ATXN1: variants seen among roughly 807,000 people sequenced by gnomAD.
ATXN1 encodes the protein ataxin 1.
ATXN1 carries 8 observed loss-of-function variants against 56.4 expected under a neutral mutation model. The ratio of observed to expected loss-of-function variants is 0.14; its 90% CI spans 0.08 to 0.26. The LOEUF (loss-of-function observed/expected upper bound fraction) is 0.26. Among genes scored for constraint, ATXN1 ranks in the 10% least tolerant of loss-of-function variants. The pLI is 1.00. For synonymous variants in ATXN1, 514 were observed against 494.6 expected (o/e 1.04, Z -0.52); for missense variants, 987 against 1,106.5 (o/e 0.89, Z 1.53).
intron 6 of ATXN1, among the ~76,000 whole-genome samples, chr6:16,464,906 G>C (rs191449858): frequency 2.0e-4 from 31 of 152,152 alleles, no homozygotes; most frequent in Non-Finnish European, 4.1e-4. Context: ...TAATAATAAT[G>C]TATCCATATT....
intron 7 of ATXN1, among the ~76,000 whole-genome samples, chr6:16,324,769 G>A (rs1442785826): frequency 6.6e-6 from 1 of 152,206 alleles, no homozygotes; most frequent in Non-Finnish European, 1.5e-5. Flanking sequence ...GTAGATTGAA[G>A]GAGCCTGTGG....
chr6:16,489,612 T>C (rs1046916452), intron 5 of ATXN1, among the ~76,000 whole-genome samples: 1 of 152,048 alleles, frequency 6.6e-6, no homozygotes, highest in Non-Finnish European at 1.5e-5. Context: ...GGAGGGGAGA[T>C]GCAGACCTCT....
At chr6:16,424,894 G>T (rs1319419274) in intron 6 of ATXN1, among the ~76,000 whole-genome samples, 5 of 152,324 alleles carry the variant, frequency 3.3e-5, no homozygotes, top group African/African-American at 7.2e-5. Context: ...TGTTGGTGTT[G>T]CGTCTCCTCT....
intron 7 of ATXN1, among the ~76,000 whole-genome samples, chr6:16,316,950 T>A (rs1047720632): frequency 1.4e-5 from 2 of 143,606 alleles, no homozygotes; most frequent in Non-Finnish European, 3.0e-5. Context: ...CAGTGCTTTC[T>A]CCAGGGTGTG....
intron 6 of ATXN1, among the ~76,000 whole-genome samples, chr6:16,358,386 A>C (rs1025821880): frequency 1.3e-5 from 2 of 152,242 alleles, no homozygotes; most frequent in Non-Finnish European, 2.9e-5. Context: ...TCGCAATTGC[A>C]GAAATATGGA....
At chr6:16,568,986 G>C (rs1330685047) in intron 4 of ATXN1, among the ~76,000 whole-genome samples, 1 of 152,116 alleles carries the variant, frequency 6.6e-6, no homozygotes, top group Non-Finnish European at 1.5e-5. Context: ...TTTAGTAATG[G>C]TAAACAAGAA....
At chr6:16,669,175 A>C (rs1022032329) in intron 2 of ATXN1, among the ~76,000 whole-genome samples, 1 of 152,228 alleles carries the variant, frequency 6.6e-6, no homozygotes, top group African/African-American at 2.4e-5. Flanking sequence ...CTAAGAGCAG[A>C]CTGTTTCTTT....
intron 3 of ATXN1, among the ~76,000 whole-genome samples, chr6:16,645,119 G>A (rs1763778879): frequency 6.6e-6 from 1 of 152,176 alleles, no homozygotes; most frequent in Non-Finnish European, 1.5e-5. Context: ...TGCATTGCCT[G>A]TTGCCATGTG....
chr6:16,483,055 C>G (rs1760471672), intron 6 of ATXN1, among the ~76,000 whole-genome samples: 3 of 152,146 alleles, frequency 2.0e-5, no homozygotes, highest in Admixed American at 6.5e-5. Flanking sequence ...TGGCTAACAA[C>G]AGCATTGTGC....
chr6:16,332,936 T>C (rs1761024520), intron 6 of ATXN1, among the ~76,000 whole-genome samples: 1 of 152,178 alleles, frequency 6.6e-6, no homozygotes, highest in African/African-American at 2.4e-5. Context: ...TAACAAGATA[T>C]CCAGATGATT....
In ATXN1 at chr6:16,656,101, AAC is replaced by A. The variant is rs1240101598; in HGVS notation, c.-489+1673_-489+1674del. The stretch of plus-strand genomic sequence containing the variant: ...AAGACTCCATCTCAAAAAAAAAAAA[AAC>A]AAAAAAATTATTTACTGCAGATGCT... On this transcript the variant is annotated intron_variant, in intron 3 of 7. Transcript: ENST00000436367. 1.3e-4 allele frequency among the ~76,000 whole-genome samples: 20 copies of A among 151,772 alleles called. No homozygotes were observed. The East Asian group carries it at 2.9e-3, about 22-fold the overall frequency.
In ATXN1 at chr6:16,753,315, T is replaced by C. The variant is rs1463136114; in HGVS notation, c.-697A>G. On this transcript the variant is annotated 5_prime_UTR_variant, in exon 2 of 8. Transcript: ENST00000436367. ...ATGACAAACAAATCTGCAGCTTGAATGGACCACCCTGGTGACTTGATGCAC... is the reference window on the plus strand; with the variant it reads ...ATGACAAACAAATCTGCAGCTTGAACGGACCACCCTGGTGACTTGATGCAC... The C allele has an allele frequency of 8.8e-6, 4 of 456,810 alleles. No individual in the cohort carries two copies. Among genetic ancestry groups the C allele is most frequent in the Non-Finnish European group, 1.8e-5 (4 of 227,038 alleles). 28.3% of individuals were successfully genotyped at this position (456,810 alleles called of 1,614,324 possible).
intron 4 of ATXN1, among the ~76,000 whole-genome samples, chr6:16,523,250 C>T (rs1337311394): frequency 1.3e-5 from 2 of 152,070 alleles, no homozygotes; most frequent in Non-Finnish European, 2.9e-5. Context: ...CCGGGTTTGT[C>T]ATAGATCCGT....
At chr6:16,480,661 C>T (rs1225577079) in intron 6 of ATXN1, among the ~76,000 whole-genome samples, 1 of 152,156 alleles carries the variant, frequency 6.6e-6, no homozygotes, top group East Asian at 1.9e-4. Flanking sequence ...TTAAAGAGGA[C>T]ACAAAAGCAT....
intron 3 of ATXN1, among the ~76,000 whole-genome samples, chr6:16,639,079 C>G (rs2237169): frequency 0.19 from 29,015 of 151,778 alleles, 3,118 homozygotes; most frequent in East Asian, 0.46. Context: ...TAAAATGGAC[C>G]AATCAGCACT....
At position 16,465,191 on chromosome 6, in the gene ATXN1, G is replaced by A. The variant is rs1760079345; in HGVS notation, c.-161+20781C>T. 2.0e-5 allele frequency among the ~76,000 whole-genome samples: 3 copies of A among 152,210 alleles called. No homozygotes were observed. The South Asian group carries it at 6.2e-4, about 32-fold the overall frequency. On this transcript the variant is annotated intron_variant, in intron 6 of 7. Transcript: ENST00000436367. ...CAGGCAAGGTGCAACGGCTGGGTGTGGTAGCTGATGCCTGTAATCCCAGCA... is the reference window on the plus strand; with the variant it reads ...CAGGCAAGGTGCAACGGCTGGGTGTAGTAGCTGATGCCTGTAATCCCAGCA...
chr6:16,600,185 C>T (rs1762888542), intron 3 of ATXN1, among the ~76,000 whole-genome samples: 1 of 152,164 alleles, frequency 6.6e-6, no homozygotes, highest in Non-Finnish European at 1.5e-5. Flanking sequence ...TACTTTTGGG[C>T]TACTTCCTCC....
In ATXN1 at chr6:16,301,663, T is replaced by C. The variant is rs141695949; in HGVS notation, c.*4666A>G. The C allele has an allele frequency of 0.014, 2,076 of 152,272 alleles. 30 individuals carry two copies. Among genetic ancestry groups the C allele is most frequent in the South Asian group, 0.019 (93 of 4,776 alleles). The allele number at this position is 152,272 out of a possible 1,614,324, so 9.4% of individuals were successfully genotyped here. On this transcript the variant is annotated 3_prime_UTR_variant, in exon 8 of 8. Coordinates refer to ENST00000436367, the MANE Select transcript of ATXN1 (RefSeq NM_001128164.2). ...AGAAACCGAATTGGGCCATGGAGTC[T>C]GCTGGCCCTGTTTTCACCTGGTGCA...
intron 7 of ATXN1, among the ~76,000 whole-genome samples, chr6:16,307,502 C>A (rs1282072367): frequency 6.6e-6 from 1 of 151,042 alleles, no homozygotes; most frequent in East Asian, 2.0e-4. Context: ...AACCCCGTCT[C>A]CACTAAAAAT....
Sources: gnomAD v4.1 joint callset for allele counts (sites outside exome capture counted in the v4.1 genomes callset) on GRCh38, gnomAD v4.1.1 for gene constraint, MANE v1.5 for transcripts, NCBI Gene and HGNC (gene_info 2026-07-23, HGNC 2026-07-21) for gene names.